NIN: variants seen among roughly 807,000 people sequenced by gnomAD.
NIN encodes glycogen synthase kinase 3 beta-interacting protein.
NIN carries 137 observed loss-of-function variants against 257.6 expected under a neutral mutation model. The observed-to-expected ratio is 0.53, with a 90% CI of 0.46 to 0.61. NIN has a LOEUF of 0.61. Ranked by LOEUF, NIN falls within the 20% of genes least tolerant of loss-of-function variation. NIN has a pLI of 0.00. For missense variants in NIN, 2,439 were observed against 2,501.2 expected (o/e 0.98, Z 0.53); for synonymous variants, 918 against 919.8 (o/e 1.00, Z 0.04).
chr14:50,805,338 G>GT (rs1566866193), intron 4 of NIN, among the ~76,000 whole-genome samples: 1 of 152,076 alleles, frequency 6.6e-6, no homozygotes, highest in East Asian at 1.9e-4. Flanking sequence ...TTCTAGCAGC[G>GT]GTCACCTGTG....
chr14:50,741,738 G>A lies in NIN; in HGVS notation c.5302-10C>T, dbSNP rs201109401. On this transcript the variant is annotated splice_polypyrimidine_tract_variant and intron_variant, in intron 24 of 30. Coordinates refer to ENST00000530997, the MANE Select transcript of NIN (RefSeq NM_020921.4). The stretch of plus-strand genomic sequence containing the variant: ...CTTCTAAATTCTGAACCTGTATTGT[G>A]AGAATGATCTTTTACTGCTACACAA... 5.0e-5 allele frequency: 80 copies of A among 1,612,320 alleles called. No homozygotes were observed. The African/African-American group carries it at 7.7e-4, about 16-fold the overall frequency.
intron 21 of NIN, among the ~76,000 whole-genome samples, chr14:50,749,317 G>A (rs1042679399): frequency 2.6e-5 from 4 of 152,200 alleles, no homozygotes; most frequent in Non-Finnish European, 5.9e-5. Context: ...AACTCAAGAT[G>A]GATTAAAGAC....
rs2041830386 is a variant in NIN at position 50,752,505 on chromosome 14, C to G, written c.4950+13G>C. 1 of 1,593,634 alleles carries G rather than the reference C, an allele frequency of 6.3e-7. No homozygotes were observed. The highest frequency in any genetic ancestry group is 1.7e-5 in the Admixed American group (1 of 57,618). Reference sequence around the variant, plus strand: ...TTCCTCAAAAAAAGCTGTCAGGTGGCTACAGGCCATACCTGCACTTTACAA... The same window carrying G: ...TTCCTCAAAAAAAGCTGTCAGGTGGGTACAGGCCATACCTGCACTTTACAA... On this transcript the variant is annotated intron_variant, in intron 21 of 30. Transcript: ENST00000530997.
chr14:50,766,155 G>A, intron 14 of NIN, 152 bp downstream of exon 14: 1 of 636,272 alleles, frequency 1.6e-6, no homozygotes, highest in Admixed American at 2.7e-5. Flanking sequence ...ACATTTTGTG[G>A]TGGGTACTTT....
chr14:50,729,704 G>A lies in NIN; in HGVS notation c.5897C>T (p.Thr1966Ile). 1 of 1,607,918 alleles carries A rather than the reference G, an allele frequency of 6.2e-7. No individual in the cohort carries two copies. The highest frequency in any genetic ancestry group is 8.5e-7 in the Non-Finnish European group (1 of 1,176,932). ...ATGAGGGGACGGGCTAGGCGTCGCA[G>A]TGGACCTCAGGTGCTGCATCTGAAG... Reference protein sequence around the residue: ...QLMEMQHLRSTATPSPSPHAW... With the variant: ...QLMEMQHLRSIATPSPSPHAW... The change falls in exon 29 of 31, where the codon ACT becomes ATT. Residue 1966 changes from threonine to isoleucine, a missense_variant. Physicochemically the swap from Thr to Ile is moderately conservative, Grantham distance 89. Coordinates refer to ENST00000530997, the MANE Select transcript of NIN (RefSeq NM_020921.4).
intron 7 of NIN, among the ~76,000 whole-genome samples, chr14:50,776,232 C>T (rs1158329868): frequency 2.6e-5 from 4 of 152,162 alleles, no homozygotes. Flanking sequence ...CACAGCTATT[C>T]ATGCACCCAG....
chr14:50,721,299 C>T lies in NIN; in HGVS notation c.*2164G>A. Reference sequence around the variant, plus strand: ...TAAACTTTCCAGAAAGTCATATTTACATTCATTGTACATTTTATATACACA... The same window carrying T: ...TAAACTTTCCAGAAAGTCATATTTATATTCATTGTACATTTTATATACACA... On this transcript the variant is annotated 3_prime_UTR_variant, in exon 31 of 31. Coordinates refer to ENST00000530997, the MANE Select transcript of NIN (RefSeq NM_020921.4). The T allele has an allele frequency of 4.9e-6, 1 of 204,930 alleles. No individual in the cohort carries two copies. The highest frequency in any genetic ancestry group is 1.0e-5 in the Non-Finnish European group (1 of 100,086). The allele number at this position is 204,930 out of a possible 1,614,324, so 12.7% of individuals were successfully genotyped here. A position where few individuals can be genotyped will look rare whatever the true frequency, so the allele number is the denominator to read the frequency against.
At position 50,725,943 on chromosome 14, in the gene NIN, G is replaced by A; in HGVS notation, c.6192+10C>T. The A allele has an allele frequency of 3.1e-6, 5 of 1,614,042 alleles. No individual in the cohort carries two copies. Among genetic ancestry groups the A allele is most frequent in the Non-Finnish European group, 4.2e-6 (5 of 1,179,914 alleles). On this transcript the variant is annotated intron_variant, in intron 30 of 30. Transcript: ENST00000530997. Reference sequence around the variant, plus strand: ...GAGGTGGGTGAACAGAGATGACCGGGTAGGCTCACTTGTTCTTTGAGCTGA... The same window carrying A: ...GAGGTGGGTGAACAGAGATGACCGGATAGGCTCACTTGTTCTTTGAGCTGA...
rs763963564 is a variant in NIN, at chr14:50,758,224, G to C, written c.2806C>G (p.Gln936Glu). Residue 936 changes from glutamine to glutamate, a missense_variant, in exon 18 of 31, where the codon CAG becomes GAG. Around this residue, in one of 3 missense-constraint regions of NIN, gnomAD observed 2,043 missense variants for 2,050.2 expected, o/e 1.00. Transcript: ENST00000530997. ...TGACTGCTCTTCAGCTCAAGTATCTGGTCAGACAGCAGGCTTTGCTGGGTT... is the reference window on the plus strand; with the variant it reads ...TGACTGCTCTTCAGCTCAAGTATCTCGTCAGACAGCAGGCTTTGCTGGGTT... ...SETQQSLLSD[Q>E]ILELKSSHKR... 6.2e-7 allele frequency: 1 copy of C among 1,614,152 alleles called. No homozygotes were observed. The highest frequency in any genetic ancestry group is 1.1e-5 in the South Asian group (1 of 91,084).
chr14:50,802,991 A>G (rs1595899494), intron 4 of NIN, among the ~76,000 whole-genome samples: 1 of 152,104 alleles, frequency 6.6e-6, no homozygotes, highest in African/African-American at 2.4e-5. Flanking sequence ...GTCTCCTTCT[A>G]TGGTGTAAAG....
chr14:50,760,126 C>T lies in NIN; in HGVS notation c.2130G>A (p.Glu710=), dbSNP rs778178145. The change falls in exon 17 of 31, where the codon GAG becomes GAA. Residue 710 remains glutamate, a synonymous_variant. Coordinates refer to ENST00000530997, the MANE Select transcript of NIN (RefSeq NM_020921.4). The part of the protein sequence containing the change: ...EKKQLQVKLE[E]EKTHLQEKLR... ...GCTTCTCCTGCAGGTGAGTCTTTTC[C>T]TCCTCAAGCTTCACTTGCAGTTGTT... 9.3e-6 allele frequency: 15 copies of T among 1,614,086 alleles called. No individual in the cohort carries two copies. Among genetic ancestry groups the T allele is most frequent in the Non-Finnish European group, 1.3e-5 (15 of 1,180,062 alleles).
At chr14:50,814,516 T>C (rs562008678) in intron 3 of NIN, among the ~76,000 whole-genome samples, 2 of 152,226 alleles carry the variant, frequency 1.3e-5, no homozygotes, top group African/African-American at 2.4e-5. Context: ...TGATGAAAAA[T>C]CTGAGGCTCA....
chr14:50,749,656 T>C (rs1176368951), intron 21 of NIN, among the ~76,000 whole-genome samples: 1 of 152,188 alleles, frequency 6.6e-6, no homozygotes, highest in African/African-American at 2.4e-5. Context: ...CCAGCTTAAA[T>C]TTTTATATCA....
In NIN at chr14:50,757,056, A is replaced by C; in HGVS notation, c.3974T>G (p.Val1325Gly). ...CTCAATCTTGCCTTGAAGTCTCAAA[A>C]CCAGAACATTCAGCCCCTCATTTTC... ...KIENEGLNVL[V>G]LRLQGKIEKL... Residue 1325 changes from valine (V) to glycine (G), a missense_variant, in exon 18 of 31, where the codon GTT becomes GGT. Physicochemically the swap from Val to Gly is moderately radical, Grantham distance 109 (BLOSUM62 -3). Transcript: ENST00000530997. 1 of 1,613,648 alleles carries C rather than the reference A, an allele frequency of 6.2e-7. No individual in the cohort carries two copies. Among genetic ancestry groups the C allele is most frequent in the Non-Finnish European group, 8.5e-7 (1 of 1,179,842 alleles).
chr14:50,802,151 T>A (rs1191910008), intron 4 of NIN, among the ~76,000 whole-genome samples: 1 of 152,224 alleles, frequency 6.6e-6, no homozygotes, highest in Admixed American at 6.5e-5. Flanking sequence ...ATTTAAAAAT[T>A]AGATTGTACA....
At chr14:50,751,611 T>TAGTG (rs750431612) in intron 21 of NIN, among the ~76,000 whole-genome samples, 31 of 152,198 alleles carry the variant, frequency 2.0e-4, no homozygotes, top group Non-Finnish European at 2.9e-4. Context: ...GGCTAGAGTG[T>TAGTG]AGTGGTACAG....
rs1303627713 is a variant in NIN, at chr14:50,756,622, C to T, written c.4408G>A (p.Glu1470Lys). The change falls in exon 18 of 31, where the codon GAG becomes AAG. Residue 1470 changes from glutamate to lysine, a missense_variant. By Grantham distance (56) the Glu-to-Lys change is moderately conservative (BLOSUM62 1). Around this residue, in one of 3 missense-constraint regions of NIN, gnomAD observed 2,043 missense variants for 2,050.2 expected, o/e 1.00. Transcript: ENST00000530997. Reference sequence around the variant, plus strand: ...TGCTTAACTAAAATAGTGACTCTCTCCTTCAACTTCCTAGTCAGCTCCTGT... The same window carrying T: ...TGCTTAACTAAAATAGTGACTCTCTTCTTCAACTTCCTAGTCAGCTCCTGT... ...KLQELTRKLK[E>K]RVTILVKQKD... 6.4e-7 allele frequency: 1 copy of T among 1,565,578 alleles called. No homozygotes were observed. Among genetic ancestry groups the T allele is most frequent in the Non-Finnish European group, 8.7e-7 (1 of 1,153,486 alleles).
chr14:50,724,141 G>T, intron 30 of NIN: 1 of 191,248 alleles, frequency 5.2e-6, no homozygotes, highest in Non-Finnish European at 1.1e-5. Flanking sequence ...ATAAGATTTG[G>T]GCAGTTACTT....
intron 3 of NIN, among the ~76,000 whole-genome samples, chr14:50,807,984 G>A (rs1370196164): frequency 6.6e-6 from 1 of 152,096 alleles, no homozygotes; most frequent in Non-Finnish European, 1.5e-5. Context: ...TATATTTAAG[G>A]TGTACAACCT....
Sources: allele counts gnomAD v4.1 joint callset (sites outside exome capture counted in the v4.1 genomes callset), GRCh38; gene constraint gnomAD v4.1.1; regional missense constraint gnomAD v4.1.1; transcripts MANE v1.5; gene names NCBI Gene and HGNC (gene_info 2026-07-23, HGNC 2026-07-21).